POLDIP3: variants seen among roughly 807,000 people sequenced by gnomAD.
POLDIP3 encodes DNA polymerase delta interacting protein 3, also known as polymerase delta-interacting protein 3.
Under a neutral mutation model 45.1 loss-of-function variants are expected in POLDIP3, and 14 were observed. That is an observed-to-expected ratio of 0.31 (90% CI 0.20 to 0.49). The LOEUF (loss-of-function observed/expected upper bound fraction) is 0.49. Among genes scored for constraint, POLDIP3 ranks in the 20% least tolerant of loss-of-function variants. The pLI is 0.99. For missense variants in POLDIP3, 511 were observed against 538.8 expected (o/e 0.95, Z 0.51); for synonymous variants, 223 against 205.2 (o/e 1.09, Z -0.74).
intron 1 of POLDIP3, chr22:42,603,630 A>G (rs1926539211): frequency 6.2e-6 from 1 of 160,744 alleles, no homozygotes; most frequent in Non-Finnish European, 1.4e-5. Context: ...GCAGGTTTGG[A>G]GAGGCTCAAT....
chr22:42,596,268 G>A lies in POLDIP3; in HGVS notation c.731C>T (p.Ser244Phe). 1 of 1,614,220 alleles carries A rather than the reference G, an allele frequency of 6.2e-7. No individual in the cohort carries two copies. Among genetic ancestry groups the A allele is most frequent in the Non-Finnish European group, 8.5e-7 (1 of 1,180,020 alleles). The change falls in exon 5 of 9, where the codon TCT becomes TTT. Residue 244 changes from serine to phenylalanine, a missense_variant. By Grantham distance (155) the Ser-to-Phe change is radical (BLOSUM62 -2). Transcript: ENST00000252115. Reference sequence around the variant, plus strand: ...GTTGGTCAAGGCTTTTGTTCGAATAGAGGAAGGGAGAGCAGGAGCTGTGTA... The same window carrying A: ...GTTGGTCAAGGCTTTTGTTCGAATAAAGGAAGGGAGAGCAGGAGCTGTGTA... ...DAYTAPALPS[S>F]IRTKALTNMS...
In POLDIP3 at chr22:42,585,893, G is replaced by C; in HGVS notation, c.1164C>G (p.Asn388Lys). 6.2e-7 allele frequency: 1 copy of C among 1,613,480 alleles called. No homozygotes were observed. The highest frequency in any genetic ancestry group is 2.2e-5 in the East Asian group (1 of 44,888). The change falls in exon 9 of 9, where the codon AAC becomes AAG. Residue 388 changes from asparagine (N) to lysine (K), a missense_variant. Asn to Lys is a moderately conservative substitution (Grantham distance 94). Coordinates refer to ENST00000252115, the MANE Select transcript of POLDIP3 (RefSeq NM_032311.5). ...TGTCAGGGTCCACTTCGGCAGGGGGGTTGGAGGAGGAGGCAGAGTTCACCC... is the reference window on the plus strand; with the variant it reads ...TGTCAGGGTCCACTTCGGCAGGGGGCTTGGAGGAGGAGGCAGAGTTCACCC... The part of the protein sequence containing the change: ...PRRVNSASSS[N>K]PPAEVDPDTI...
chr22:42,600,455 T>C (rs969278504), intron 3 of POLDIP3, among the ~76,000 whole-genome samples: 2 of 150,166 alleles, frequency 1.3e-5, no homozygotes, highest in African/African-American at 4.9e-5. Flanking sequence ...TGAAACCCCG[T>C]CTCTACGAAA....
In POLDIP3 at chr22:42,592,063, C is replaced by G. The variant is rs1925699189; in HGVS notation, c.913G>C (p.Ala305Pro). The G allele has an allele frequency of 6.2e-7, 1 of 1,614,210 alleles. No homozygotes were observed. Among genetic ancestry groups the G allele is most frequent in the Non-Finnish European group, 8.5e-7 (1 of 1,180,024 alleles). The change falls in exon 7 of 9, where the codon GCC becomes CCC. Residue 305 changes from alanine to proline, a missense_variant. By Grantham distance (27) the Ala-to-Pro change is conservative. Coordinates refer to ENST00000252115, the MANE Select transcript of POLDIP3 (RefSeq NM_032311.5). Reference sequence around the variant, plus strand: ...TGGACCAGTCGAGCTCGCTTGAGGGCCCCACACACACAGAAAAGCTCCTGC... The same window carrying G: ...TGGACCAGTCGAGCTCGCTTGAGGGGCCCACACACACAGAAAAGCTCCTGC... The part of the protein sequence containing the change: ...DIVELFCVCG[A>P]LKRARLVHPG...
rs1259168522 is a variant in POLDIP3, at chr22:42,585,348, T to A, written c.*443A>T. The stretch of plus-strand genomic sequence containing the variant: ...CCCGTCAGGACACCAGGGCTCTCCA[T>A]CCCCTCCATTGTTTGAAAAGCTTAA... On this transcript the variant is annotated 3_prime_UTR_variant, in exon 9 of 9. Coordinates refer to ENST00000252115, the MANE Select transcript of POLDIP3 (RefSeq NM_032311.5). The A allele has an allele frequency of 8.9e-6, 4 of 450,644 alleles. No individual in the cohort carries two copies. Among genetic ancestry groups the A allele is most frequent in the South Asian group, 6.3e-5 (4 of 63,134 alleles). 27.9% of individuals were successfully genotyped at this position (450,644 alleles called of 1,614,324 possible). A position where few individuals can be genotyped will look rare whatever the true frequency, so the allele number is the denominator to read the frequency against.
chr22:42,585,953 G>A lies in POLDIP3; in HGVS notation c.1104C>T (p.Ser368=), dbSNP rs766357734. ...GCTCGCTCTCCTTTTTCATTGATGG[G>A]CTGTCACTCAGCCGCCTGTGGAGAG... The part of the protein sequence containing the change: ...DQPILLRLSD[S]PSMKKESELP... Residue 368 remains serine (S), a synonymous_variant, in exon 9 of 9, where the codon AGC becomes AGT. Transcript: ENST00000252115. The A allele has an allele frequency of 1.3e-5, 21 of 1,612,322 alleles. No homozygotes were observed. Among genetic ancestry groups the A allele is most frequent in the Non-Finnish European group, 1.7e-5 (20 of 1,179,262 alleles).
At chr22:42,597,774 C>A (rs1029154108) in intron 4 of POLDIP3, 1 of 445,464 alleles carries the variant, frequency 2.2e-6, no homozygotes, top group South Asian at 1.7e-5. Context: ...TTCAGCTTCA[C>A]GACCTCTTTT....
chr22:42,614,732 A>C (rs1009763024), intron 1 of POLDIP3, 67 bp downstream of exon 1: 7 of 1,555,392 alleles, frequency 4.5e-6, no homozygotes, highest in Non-Finnish European at 6.2e-6. Context: ...CCGGATCGCT[A>C]CCTCCCCCGC....
At chr22:42,597,340 G>A (rs1360180424) in intron 4 of POLDIP3, among the ~76,000 whole-genome samples, 2 of 152,272 alleles carry the variant, frequency 1.3e-5, no homozygotes, top group African/African-American at 4.8e-5. Context: ...GCATGGGCAC[G>A]GGCAATTCAC....
intron 1 of POLDIP3, among the ~76,000 whole-genome samples, chr22:42,613,073 T>G (rs1039176352): frequency 6.6e-6 from 1 of 151,896 alleles, no homozygotes; most frequent in Non-Finnish European, 1.5e-5. Flanking sequence ...ACCAAAAACA[T>G]AGAGATCAAA....
chr22:42,595,758 G>T, intron 5 of POLDIP3, 144 bp from the exon 6 acceptor site: 1 of 707,578 alleles, frequency 1.4e-6, no homozygotes. Context: ...GAACTTCAGT[G>T]TCCACTACAC....
At chr22:42,612,503 G>A (rs1927187981) in intron 1 of POLDIP3, among the ~76,000 whole-genome samples, 1 of 152,168 alleles carries the variant, frequency 6.6e-6, no homozygotes, top group African/African-American at 2.4e-5. Context: ...ACCAGCCTTT[G>A]CTGAACACTT....
At chr22:42,598,343 T>A (rs1926130835) in intron 4 of POLDIP3, among the ~76,000 whole-genome samples, 1 of 149,090 alleles carries the variant, frequency 6.7e-6, no homozygotes, top group Non-Finnish European at 1.5e-5. Context: ...CTCCACCTCC[T>A]GGGTTCGTGC....
At chr22:42,594,171 G>T (rs1355049076) in intron 6 of POLDIP3, among the ~76,000 whole-genome samples, 4 of 152,294 alleles carry the variant, frequency 2.6e-5, no homozygotes, top group Admixed American at 2.0e-4. Context: ...TGAGGCATAA[G>T]AATCACTTGA....
intron 7 of POLDIP3, among the ~76,000 whole-genome samples, chr22:42,588,386 T>C (rs985850582): frequency 3.6e-4 from 51 of 142,870 alleles, no homozygotes; most frequent in African/African-American, 1.2e-3. Context: ...ACCTGGGAGG[T>C]AGAGCTTGCA....
At chr22:42,596,123 G>A in intron 5 of POLDIP3, 63 bp downstream of exon 5, 1 of 1,537,052 alleles carries the variant, frequency 6.5e-7, no homozygotes. Flanking sequence ...GGAACACAAT[G>A]AGGTACATAT....
Position 42,585,562 on chromosome 22 carries a change from C to T in POLDIP3, c.*229G>A, listed in dbSNP as rs541929617. ...ACTGAAAAACACAAGCCTACCTTGG[C>T]GATGAGATGAAGAAACATACTACAG... On this transcript the variant is annotated 3_prime_UTR_variant, in exon 9 of 9. Coordinates refer to ENST00000252115, the MANE Select transcript of POLDIP3 (RefSeq NM_032311.5). 2.1e-5 allele frequency: 11 copies of T among 525,526 alleles called. No individual in the cohort carries two copies. The highest frequency in any genetic ancestry group is 1.7e-4 in the Admixed American group (5 of 29,196). The allele number at this position is 525,526 out of a possible 1,614,324, so 32.6% of individuals were successfully genotyped here.
intron 1 of POLDIP3, among the ~76,000 whole-genome samples, chr22:42,606,629 A>G (rs1171185799): frequency 6.6e-6 from 1 of 152,196 alleles, no homozygotes; most frequent in African/African-American, 2.4e-5. Flanking sequence ...TCTCAAAAAC[A>G]TATTTTAAAA....
intron 4 of POLDIP3, among the ~76,000 whole-genome samples, chr22:42,598,503 G>A (rs527603857): frequency 9.6e-4 from 145 of 150,956 alleles, no homozygotes; most frequent in African/African-American, 3.5e-3. Flanking sequence ...CACCCACCTC[G>A]GCCTCCGAAA....
Sources: gnomAD v4.1 joint callset for allele counts (sites outside exome capture counted in the v4.1 genomes callset) on GRCh38, gnomAD v4.1.1 for gene constraint, MANE v1.5 for transcripts, NCBI Gene and HGNC (gene_info 2026-07-23, HGNC 2026-07-21) for gene names.